The following KIAA0825 variants were observed in gnomAD, a reference collection of about 807,000 sequenced individuals.
KIAA0825 encodes the protein uncharacterized protein KIAA0825.
A neutral mutation model predicts 147.6 loss-of-function variants in KIAA0825; 119 were observed. The ratio of observed to expected loss-of-function variants is 0.81; its 90% CI spans 0.69 to 0.94. The LOEUF (loss-of-function observed/expected upper bound fraction) is 0.94, where lower values mean the gene tolerates loss of function less well. KIAA0825 is among the 40% of genes least tolerant of loss of function. The pLI is 0.00. For missense variants in KIAA0825, 1,381 were observed against 1,472.7 expected (o/e 0.94, Z 1.02); for synonymous variants, 470 against 518.1 (o/e 0.91, Z 1.26).
intron 20 of KIAA0825, among the ~76,000 whole-genome samples, chr5:94,375,025 T>C (rs1415170260): frequency 7.0e-6 from 1 of 141,870 alleles, no homozygotes; most frequent in Non-Finnish European, 1.5e-5. Context: ...TTTTCTTTCT[T>C]TCCTTCTCTT....
intron 20 of KIAA0825, among the ~76,000 whole-genome samples, chr5:94,234,407 A>T (rs1036064585): frequency 4.2e-4 from 60 of 143,442 alleles, no homozygotes; most frequent in African/African-American, 1.5e-3. Flanking sequence ...ATAAAAAAAT[A>T]AAAAAAAAAT....
chr5:94,335,348 T>A (rs1781696748), intron 20 of KIAA0825, among the ~76,000 whole-genome samples: 2 of 152,182 alleles, frequency 1.3e-5, no homozygotes, highest in South Asian at 2.1e-4. Flanking sequence ...TTTGTTTCAG[T>A]CTAATCTTAC....
chr5:94,272,198 G>T (rs142142500), intron 20 of KIAA0825, among the ~76,000 whole-genome samples: 41 of 151,890 alleles, frequency 2.7e-4, no homozygotes, highest in African/African-American at 8.9e-4. Context: ...GAAGGGTAGT[G>T]GGGGGAGGAC....
chr5:94,371,120 T>G (rs1746646527), intron 20 of KIAA0825, among the ~76,000 whole-genome samples: 1 of 152,070 alleles, frequency 6.6e-6, no homozygotes, highest in Non-Finnish European at 1.5e-5. Flanking sequence ...GTATAAATAT[T>G]GCTTATAGTT....
chr5:94,261,220 T>A (rs1244586884), intron 20 of KIAA0825, among the ~76,000 whole-genome samples: 1 of 152,030 alleles, frequency 6.6e-6, no homozygotes, highest in Non-Finnish European at 1.5e-5. Context: ...GGAGGAAAAC[T>A]TAAGCCCCAC....
At chr5:94,353,177 T>TA (rs1000681007) in intron 20 of KIAA0825, among the ~76,000 whole-genome samples, 6 of 152,140 alleles carry the variant, frequency 3.9e-5, no homozygotes, top group African/African-American at 1.4e-4. Flanking sequence ...CTACTTTTTT[T>TA]AAAAAAACTA....
intron 20 of KIAA0825, among the ~76,000 whole-genome samples, chr5:94,321,797 A>G (rs1044806365): frequency 1.3e-5 from 2 of 151,968 alleles, no homozygotes; most frequent in Non-Finnish European, 1.5e-5. Flanking sequence ...TTAAAGGTAC[A>G]TTGGTTAAAA....
At chr5:94,361,994 G>A (rs1287980040) in intron 20 of KIAA0825, among the ~76,000 whole-genome samples, 1 of 152,170 alleles carries the variant, frequency 6.6e-6, no homozygotes, top group African/African-American at 2.4e-5. Flanking sequence ...CAAATCAGGT[G>A]CACCTCTCTT....
chr5:94,426,030 TATC>T lies in KIAA0825; in HGVS notation c.2498-8668_2498-8666del, dbSNP rs1381067051. Among the ~76,000 whole-genome samples the T allele has an allele frequency of 4.0e-3, 578 of 146,018 alleles. 9 individuals carry two copies. Among genetic ancestry groups the T allele is most frequent in the African/African-American group, 0.013 (527 of 40,632 alleles). On this transcript the variant is annotated intron_variant, in intron 14 of 20. Transcript: ENST00000682413. Reference sequence around the variant, plus strand: ...GCCTGGATAATTTTTGTATTATTATTATCATTATTATTATTATTATTATAGAGA... The same window carrying T: ...GCCTGGATAATTTTTGTATTATTATTATTATTATTATTATTATTATAGAGA...
At chr5:94,228,954 C>G (rs896320345) in intron 20 of KIAA0825, among the ~76,000 whole-genome samples, 1 of 152,162 alleles carries the variant, frequency 6.6e-6, no homozygotes, top group Non-Finnish European at 1.5e-5. Flanking sequence ...CCAGGCCCCA[C>G]CCAGCCACTC....
chr5:94,223,456 A>G (rs1773846318), intron 20 of KIAA0825, among the ~76,000 whole-genome samples: 1 of 152,206 alleles, frequency 6.6e-6, no homozygotes, highest in South Asian at 2.1e-4. Flanking sequence ...GCAGAACAGA[A>G]ACTAATTGCA....
chr5:94,283,476 A>G (rs912096992), intron 20 of KIAA0825, among the ~76,000 whole-genome samples: 1 of 152,140 alleles, frequency 6.6e-6, no homozygotes, highest in Non-Finnish European at 1.5e-5. Context: ...TACGGAAATC[A>G]TGCCTTGGTT....
intron 20 of KIAA0825, among the ~76,000 whole-genome samples, chr5:94,318,247 A>T (rs1779837431): frequency 6.6e-6 from 1 of 151,844 alleles, no homozygotes; most frequent in Non-Finnish European, 1.5e-5. Context: ...TTAGTCTATT[A>T]TAGATTATAT....
chr5:94,463,061 C>T (rs182669369), intron 11 of KIAA0825, among the ~76,000 whole-genome samples: 29 of 151,944 alleles, frequency 1.9e-4, no homozygotes, highest in African/African-American at 6.7e-4. Context: ...GAAGAAATGA[C>T]AAACGAAGCT....
chr5:94,237,073 C>G (rs949658036), intron 20 of KIAA0825, among the ~76,000 whole-genome samples: 112 of 126,452 alleles, frequency 8.9e-4, no homozygotes, highest in Non-Finnish European at 1.4e-3. Flanking sequence ...GTGTGTGTGT[C>G]TGTGTCTGTG....
chr5:94,580,869 C>T (rs1223430022), intron 2 of KIAA0825, among the ~76,000 whole-genome samples: 1 of 14,772 alleles, frequency 6.8e-5, no homozygotes, highest in Non-Finnish European at 1.1e-4. Flanking sequence ...GAGCGAGACT[C>T]CGTCTCAAAA....
At chr5:94,283,215 ACTT>A (rs1445080804) in intron 20 of KIAA0825, among the ~76,000 whole-genome samples, 1 of 152,072 alleles carries the variant, frequency 6.6e-6, no homozygotes, top group Non-Finnish European at 1.5e-5. Flanking sequence ...GATTTATTGA[ACTT>A]CTTTGTGCCA....
chr5:94,521,727 G>A (rs1239835311), intron 4 of KIAA0825, among the ~76,000 whole-genome samples: 1 of 151,560 alleles, frequency 6.6e-6, no homozygotes, highest in African/African-American at 2.4e-5. Flanking sequence ...TTTTTTCTTG[G>A]GCTTTGAATT....
intron 2 of KIAA0825, among the ~76,000 whole-genome samples, chr5:94,563,670 CATTGCCTTTTTTAAATTT>C (rs1778003557): frequency 6.6e-6 from 1 of 151,954 alleles, no homozygotes; most frequent in African/African-American, 2.4e-5. Context: ...TTTCTGTGAG[CATTGCCTTTTTTAAATTT>C]TTTTTATGTT....
Sources: gnomAD v4.1 joint callset for allele counts (sites outside exome capture counted in the v4.1 genomes callset) on GRCh38, gnomAD v4.1.1 for gene constraint, MANE v1.5 for transcripts, NCBI Gene and HGNC (gene_info 2026-07-23, HGNC 2026-07-21) for gene names.